REST: variants seen among roughly 807,000 people sequenced by gnomAD.
REST encodes the protein RE1-silencing transcription factor.
REST carries 1 observed loss-of-function variant against 30.4 expected under a neutral mutation model. That is an observed-to-expected ratio of 0.03 (90% confidence interval 0.01 to 0.16). The LOEUF (loss-of-function observed/expected upper bound fraction) is 0.16, where lower values mean the gene tolerates loss of function less well. REST is among the 10% of genes least tolerant of loss of function. The pLI, the probability that REST is intolerant of heterozygous loss-of-function variation, is 1.00. For missense variants in REST, 1,259 were observed against 1,329.5 expected (o/e 0.95, Z 0.82); for synonymous variants, 504 against 451.1 (o/e 1.12, Z -1.49).
chr4:56,934,150 CAGAA>C lies in REST; in HGVS notation c.*1999_*2002del, dbSNP rs1721070941. The C allele has an allele frequency of 2.0e-5, 3 of 152,308 alleles. No individual in the cohort carries two copies. The South Asian group carries it at 6.2e-4, about 32-fold the overall frequency. 9.4% of individuals were successfully genotyped at this position (152,308 alleles called of 1,614,324 possible). A position where few individuals can be genotyped will look rare whatever the true frequency, so the allele number is the denominator to read the frequency against. On this transcript the variant is annotated 3_prime_UTR_variant, in exon 4 of 4. Coordinates refer to ENST00000309042, the MANE Select transcript of REST (RefSeq NM_005612.5). ...TCTAGGCTCCGACAATCATTGTCAA[CAGAA>C]GATCAAGCTGCAAATATTTATGTTT...
At chr4:56,925,164 CAA>C (rs35149595) in intron 3 of REST, among the ~76,000 whole-genome samples, 87 of 82,362 alleles carry the variant, frequency 1.1e-3, no homozygotes, top group African/African-American at 2.1e-3. Context: ...GACTCAGTCT[CAA>C]AAAAAAAAAA....
chr4:56,920,854 CT>C (rs1720415086), intron 3 of REST, among the ~76,000 whole-genome samples: 1 of 152,096 alleles, frequency 6.6e-6, no homozygotes, highest in Non-Finnish European at 1.5e-5. Context: ...TGAACTACCA[CT>C]TTTACTTTTT....
chr4:56,920,169 G>A (rs1239925813), intron 3 of REST, among the ~76,000 whole-genome samples: 1 of 151,894 alleles, frequency 6.6e-6, no homozygotes, highest in Non-Finnish European at 1.5e-5. Flanking sequence ...GACCAAGACT[G>A]ATTGATCTTT....
intron 1 of REST, chr4:56,909,703 A>T (rs749126587): frequency 3.3e-5 from 5 of 152,224 alleles, no homozygotes; most frequent in Admixed American, 1.3e-4. Context: ...TTTGCGAGTG[A>T]ACACTTCGTT....
intron 1 of REST, among the ~76,000 whole-genome samples, chr4:56,910,320 C>G (rs1290083623): frequency 6.6e-6 from 1 of 152,088 alleles, no homozygotes; most frequent in Non-Finnish European, 1.5e-5. Flanking sequence ...TACTTTTTAT[C>G]CCCACCAGAA....
chr4:56,918,950 CA>C (rs1404375532), intron 2 of REST, among the ~76,000 whole-genome samples: 2 of 150,066 alleles, frequency 1.3e-5, no homozygotes, highest in Non-Finnish European at 2.9e-5. Flanking sequence ...GGGTTACAGT[CA>C]GGGGCCACAA....
At chr4:56,914,731 T>C (rs1457597923) in intron 2 of REST, among the ~76,000 whole-genome samples, 2 of 151,976 alleles carry the variant, frequency 1.3e-5, no homozygotes, top group African/African-American at 4.8e-5. Context: ...TTTTTGTATT[T>C]TCAGTAGAGA....
rs138689075 is a variant in REST, at chr4:56,925,122, G to A, written c.983-4719G>A. ...GGTGGTTGCAGTGAGCCGAGATTGC[G>A]CCATTGCACTCCAGCCTGGGCAGCT... On this transcript the variant is annotated intron_variant, in intron 3 of 3. Coordinates refer to ENST00000309042, the MANE Select transcript of REST (RefSeq NM_005612.5). Among the ~76,000 whole-genome samples the A allele has an allele frequency of 0.023, 3,315 of 144,070 alleles. 273 individuals carry two copies. The East Asian group carries it at 0.26, about 11-fold the overall frequency. The allele number at this position is 144,070 out of a possible 152,430, so 94.5% of individuals were successfully genotyped here.
intron 2 of REST, among the ~76,000 whole-genome samples, chr4:56,913,157 G>T (rs1431884104): frequency 6.6e-6 from 1 of 151,744 alleles, no homozygotes; most frequent in Non-Finnish European, 1.5e-5. Context: ...TTTTTAATTG[G>T]ATTTATTTAT....
intron 1 of REST, 109 bp from the exon 2 acceptor site, chr4:56,910,521 G>C (rs1719844552): frequency 3.4e-6 from 3 of 890,958 alleles, no homozygotes; most frequent in African/African-American, 3.4e-5. Flanking sequence ...GAGTTATAAA[G>C]ATCATACTGG....
chr4:56,917,394 G>A (rs911116896), intron 2 of REST, among the ~76,000 whole-genome samples: 5 of 152,094 alleles, frequency 3.3e-5, no homozygotes, highest in Admixed American at 1.3e-4. Flanking sequence ...GTGTGGTCAC[G>A]GCTCACTGAA....
chr4:56,920,549 G>A (rs1280908047), intron 3 of REST, among the ~76,000 whole-genome samples: 1 of 151,784 alleles, frequency 6.6e-6, no homozygotes, highest in Non-Finnish European at 1.5e-5. Flanking sequence ...ATCACCTGAG[G>A]CGGGGTAGTT....
At chr4:56,927,731 A>G (rs962475138) in intron 3 of REST, 5 of 657,810 alleles carry the variant, frequency 7.6e-6, no homozygotes, top group Non-Finnish European at 1.1e-5. Flanking sequence ...CTGGTTTTTT[A>G]TGTATCAGTG....
At position 56,911,099 on chromosome 4, in the gene REST, C is replaced by G. The variant is rs771308736; in HGVS notation, c.461C>G (p.Ser154Trp). The G allele has an allele frequency of 3.1e-6, 5 of 1,614,134 alleles. No homozygotes were observed. The highest frequency in any genetic ancestry group is 2.2e-5 in the East Asian group (1 of 44,882). The part of the protein sequence containing the change: ...TPGAEDKGKS[S>W]KTKPFRCKPC... ...GGAGCGGAGGACAAAGGCAAGAGCT[C>G]GAAGACCAAACCCTTTCGCTGTAAG... Residue 154 changes from serine (S) to tryptophan (W), a missense_variant, in exon 2 of 4, where the codon TCG becomes TGG. By Grantham distance (177) the Ser-to-Trp change is radical (BLOSUM62 -3). Transcript: ENST00000309042.
At chr4:56,911,807 C>G (rs1230911531) in intron 2 of REST, among the ~76,000 whole-genome samples, 2 of 152,156 alleles carry the variant, frequency 1.3e-5, no homozygotes, top group Non-Finnish European at 2.9e-5. Context: ...AAGTACATAT[C>G]CTAACTTGGG....
intron 3 of REST, among the ~76,000 whole-genome samples, chr4:56,926,658 A>G (rs1267026083): frequency 6.6e-6 from 1 of 151,502 alleles, no homozygotes; most frequent in East Asian, 2.0e-4. Context: ...CTTCCCTTTT[A>G]TTTATCCATA....
In REST at chr4:56,930,805, C is replaced by T. The variant is rs1315210668; in HGVS notation, c.1947C>T (p.Asp649=). 37 of 1,606,220 alleles carry T rather than the reference C, an allele frequency of 2.3e-5. No homozygotes were observed. Among genetic ancestry groups the T allele is most frequent in the South Asian group, 1.9e-4 (17 of 90,280 alleles). The part of the protein sequence containing the change: ...MEGAQIRPAP[D]EPVQMEVVQE... ...GTGCCCAGATACGGCCTGCTCCTGA[C>T]GAGCCTGTTCAGATGGAGGTGGTTC... The change falls in exon 4 of 4, where the codon GAC becomes GAT. Residue 649 remains aspartate, a synonymous_variant. Transcript: ENST00000309042.
At position 56,931,590 on chromosome 4, in the gene REST, C is replaced by G. The variant is rs764969815; in HGVS notation, c.2732C>G (p.Ala911Gly). ...EADESLPGLAANINESTHISS... is the reference protein window; with the variant it reads ...EADESLPGLAGNINESTHISS... ...GATGAGAGCCTACCTGGTCTTGCTG[C>G]TAATATCAACGAATCTACCCATATT... is the stretch of plus-strand genomic sequence containing the variant. The change falls in exon 4 of 4, where the codon GCT (alanine) becomes GGT (glycine). Residue 911 changes from alanine (A) to glycine (G), a missense_variant. Coordinates refer to ENST00000309042, the MANE Select transcript of REST (RefSeq NM_005612.5). The G allele has an allele frequency of 1.9e-6, 3 of 1,614,186 alleles. No individual in the cohort carries two copies. The highest frequency in any genetic ancestry group is 2.5e-6 in the Non-Finnish European group (3 of 1,180,030).
At position 56,930,323 on chromosome 4, in the gene REST, A is replaced by T. The variant is rs1165117154; in HGVS notation, c.1465A>T (p.Thr489Ser). The T allele has an allele frequency of 6.2e-7, 1 of 1,614,138 alleles. No individual in the cohort carries two copies. Among genetic ancestry groups the T allele is most frequent in the Non-Finnish European group, 8.5e-7 (1 of 1,180,024 alleles). The stretch of plus-strand genomic sequence containing the variant: ...TAATAATGTGTCAGTGATCCAGGTG[A>T]CTACCAGAACTCGAAAATCAGTAAC... ...PSNNVSVIQV[T>S]TRTRKSVTEV... Residue 489 changes from threonine to serine, a missense_variant, in exon 4 of 4, where the codon ACT (threonine) becomes TCT (serine). Around this residue, in one of 5 missense-constraint regions of REST, gnomAD observed 856 missense variants for 772.8 expected, o/e 1.11. Transcript: ENST00000309042.
Sources: gnomAD v4.1 joint callset for allele counts (sites outside exome capture counted in the v4.1 genomes callset) on GRCh38, gnomAD v4.1.1 for gene constraint, gnomAD v4.1.1 regional missense constraint, MANE v1.5 for transcripts, NCBI Gene and HGNC (gene_info 2026-07-23, HGNC 2026-07-21) for gene names.